The following XPR1 variants were observed in gnomAD, a reference collection of about 807,000 sequenced individuals.
XPR1 encodes solute carrier family 53 member 1.
XPR1 carries 28 observed loss-of-function variants against 87.5 expected under a neutral mutation model. That is an observed-to-expected ratio of 0.32 (90% CI 0.24 to 0.44). The LOEUF (loss-of-function observed/expected upper bound fraction) is 0.44. Among genes scored for constraint, XPR1 ranks in the 20% least tolerant of loss-of-function variants. The pLI is 1.00. For synonymous variants in XPR1, 300 were observed against 306.1 expected (o/e 0.98, Z 0.21); for missense variants, 559 against 862.3 (o/e 0.65, Z 4.41).
Position 180,800,586 on chromosome 1 carries a change from T to C in XPR1, c.224-2802T>C, listed in dbSNP as rs144551198. On this transcript the variant is annotated intron_variant, in intron 3 of 14. Transcript: ENST00000367590. Reference sequence around the variant, plus strand: ...CCTAGCCACATCATGCTTGGACTTCTAACCTACAAAACGGTGAGCTAATAA... The same window carrying C: ...CCTAGCCACATCATGCTTGGACTTCCAACCTACAAAACGGTGAGCTAATAA... 6.3e-3 allele frequency among the ~76,000 whole-genome samples: 959 copies of C among 152,322 alleles called. 8 individuals are homozygous for C. Among genetic ancestry groups the C allele is most frequent in the Non-Finnish European group, 0.01 (698 of 68,028 alleles).
At chr1:180,776,591 G>A (rs533259496) in intron 2 of XPR1, among the ~76,000 whole-genome samples, 1 of 152,164 alleles carries the variant, frequency 6.6e-6, no homozygotes, top group South Asian at 2.1e-4. Flanking sequence ...CAGTTATCAT[G>A]ACTTAACAAT....
intron 12 of XPR1, among the ~76,000 whole-genome samples, chr1:180,872,672 G>A (rs1482606326): frequency 7.4e-6 from 1 of 134,350 alleles, no homozygotes; most frequent in Non-Finnish European, 1.6e-5. Flanking sequence ...GCCCTGCTTC[G>A]GCTCGCGCAC....
intron 2 of XPR1, among the ~76,000 whole-genome samples, chr1:180,706,502 A>G (rs1657561609): frequency 6.6e-6 from 1 of 152,272 alleles, no homozygotes; most frequent in African/African-American, 2.4e-5. Context: ...GAATATGCAT[A>G]GAAATACTGT....
intron 2 of XPR1, among the ~76,000 whole-genome samples, chr1:180,750,449 G>C (rs1217195326): frequency 6.6e-6 from 1 of 152,112 alleles, no homozygotes; most frequent in Admixed American, 6.5e-5. Flanking sequence ...GAATAGCATG[G>C]AGTAATAGTG....
chr1:180,813,249 G>A (rs1435543787), intron 7 of XPR1, among the ~76,000 whole-genome samples: 1 of 152,072 alleles, frequency 6.6e-6, no homozygotes, highest in Non-Finnish European at 1.5e-5. Flanking sequence ...GTACTTCTTA[G>A]ATGCATCAAG....
chr1:180,854,838 A>C (rs1167496048), intron 11 of XPR1, among the ~76,000 whole-genome samples: 2 of 152,190 alleles, frequency 1.3e-5, no homozygotes, highest in Non-Finnish European at 2.9e-5. Context: ...TCTGTTTGCC[A>C]CAGCTGTCCA....
chr1:180,654,361 A>G (rs1012845706), intron 1 of XPR1, among the ~76,000 whole-genome samples: 9 of 151,978 alleles, frequency 5.9e-5, no homozygotes, highest in Non-Finnish European at 1.0e-4. Flanking sequence ...TTTAATATCT[A>G]TTCCTTCTTG....
chr1:180,687,649 C>CA (rs1557957593), intron 2 of XPR1, among the ~76,000 whole-genome samples: 2 of 152,052 alleles, frequency 1.3e-5, no homozygotes, highest in African/African-American at 4.8e-5. Flanking sequence ...CTCTGTTACT[C>CA]AAACAAATAA....
chr1:180,785,933 A>G (rs1402554984), intron 2 of XPR1, among the ~76,000 whole-genome samples: 5 of 151,394 alleles, frequency 3.3e-5, no homozygotes, highest in Non-Finnish European at 7.4e-5. Flanking sequence ...TCCTTAACGC[A>G]AACTCAGCTT....
intron 1 of XPR1, among the ~76,000 whole-genome samples, chr1:180,634,711 AT>A (rs1654710246): frequency 1.3e-5 from 2 of 152,108 alleles, no homozygotes. Context: ...GCTTTCTAGT[AT>A]CGTGAATCAA....
intron 2 of XPR1, among the ~76,000 whole-genome samples, chr1:180,749,656 C>T (rs1571797063): frequency 6.6e-6 from 1 of 151,504 alleles, no homozygotes; most frequent in Admixed American, 6.6e-5. Flanking sequence ...CACACACACA[C>T]ACACACACAC....
intron 14 of XPR1, 36 bp from the exon 15 acceptor site, chr1:180,883,970 G>A (rs1488360077): frequency 3.1e-6 from 5 of 1,596,572 alleles, no homozygotes; most frequent in South Asian, 2.2e-5. Context: ...TTTGGGTAAT[G>A]GACTAAGTGC....
At position 180,761,111 on chromosome 1, in the gene XPR1, T is replaced by C. The variant is rs548149305; in HGVS notation, c.122-26642T>C. 2.3e-3 allele frequency among the ~76,000 whole-genome samples: 347 copies of C among 152,180 alleles called. 2 individuals are homozygous for C. Among genetic ancestry groups the C allele is most frequent in the African/African-American group, 8.0e-3 (330 of 41,508 alleles). The stretch of plus-strand genomic sequence containing the variant: ...CCTTCCTTACACCTTATAGAAAAAT[T>C]AATTCAAGATGGATTAAAGATTTAA... On this transcript the variant is annotated intron_variant, in intron 2 of 14. Coordinates refer to ENST00000367590, the MANE Select transcript of XPR1 (RefSeq NM_004736.4).
chr1:180,823,576 A>T (rs1023072061), intron 7 of XPR1, among the ~76,000 whole-genome samples: 4 of 152,220 alleles, frequency 2.6e-5, no homozygotes, highest in African/African-American at 9.6e-5. Flanking sequence ...GCTGCGAGAT[A>T]AGTTTGGGAA....
intron 14 of XPR1, 109 bp downstream of exon 14, chr1:180,880,406 C>A: frequency 8.1e-7 from 1 of 1,239,480 alleles, no homozygotes; most frequent in Non-Finnish European, 1.1e-6. Flanking sequence ...TGCCAATACT[C>A]AGCCATTTTT....
chr1:180,845,907 G>A (rs1476319219), intron 11 of XPR1, among the ~76,000 whole-genome samples: 1 of 152,204 alleles, frequency 6.6e-6, no homozygotes, highest in Non-Finnish European at 1.5e-5. Context: ...TTCAAGTGAT[G>A]GCAGAATCAT....
At chr1:180,881,406 G>A (rs187370127) in intron 14 of XPR1, among the ~76,000 whole-genome samples, 1 of 152,218 alleles carries the variant, frequency 6.6e-6, no homozygotes, top group Non-Finnish European at 1.5e-5. Flanking sequence ...CTCGTGATCC[G>A]CCCGCATTGG....
At chr1:180,852,512 T>G (rs1651897779) in intron 11 of XPR1, among the ~76,000 whole-genome samples, 1 of 152,144 alleles carries the variant, frequency 6.6e-6, no homozygotes, top group African/African-American at 2.4e-5. Flanking sequence ...TATGCTATTT[T>G]GAGAGAGAAA....
intron 2 of XPR1, among the ~76,000 whole-genome samples, chr1:180,704,156 T>G (rs1223727430): frequency 6.7e-6 from 1 of 150,156 alleles, no homozygotes; most frequent in East Asian, 1.9e-4. Flanking sequence ...TTATTTACAG[T>G]AAATTTGTAG....
Sources: allele counts gnomAD v4.1 joint callset (sites outside exome capture counted in the v4.1 genomes callset), GRCh38; gene constraint gnomAD v4.1.1; transcripts MANE v1.5; gene names NCBI Gene and HGNC (gene_info 2026-07-23, HGNC 2026-07-21).